TMEM116: variants seen among roughly 807,000 people sequenced by gnomAD.
TMEM116 encodes the protein transmembrane protein 116.
TMEM116 carries 38 observed loss-of-function variants against 44.3 expected under a neutral mutation model. The observed-to-expected ratio is 0.86, with a 90% confidence interval of 0.66 to 1.12. The LOEUF is 1.12. TMEM116 is among the 50% of genes most tolerant of loss of function. The pLI is 0.00. For missense variants in TMEM116, 354 were observed against 401.7 expected (o/e 0.88, Z 1.01); for synonymous variants, 132 against 144.8 (o/e 0.91, Z 0.64).
intron 10 of TMEM116, 107 bp from the exon 11 acceptor site, chr12:111,931,934 T>C: frequency 1.3e-6 from 1 of 794,568 alleles, no homozygotes; most frequent in Non-Finnish European, 1.9e-6. Context: ...TTTCTCTATC[T>C]CAAACATGAA....
intron 4 of TMEM116, among the ~76,000 whole-genome samples, chr12:111,991,556 T>A (rs189487836): frequency 2.0e-5 from 3 of 151,228 alleles, no homozygotes; most frequent in Non-Finnish European, 4.4e-5. Flanking sequence ...AGAGTAAAGA[T>A]AACATTATTT....
chr12:111,931,618 G>A lies in TMEM116; in HGVS notation c.*3C>T. 6.2e-7 allele frequency: 1 copy of A among 1,613,436 alleles called. No homozygotes were observed. Among genetic ancestry groups the A allele is most frequent in the South Asian group, 1.1e-5 (1 of 91,074 alleles). On this transcript the variant is annotated 3_prime_UTR_variant, in exon 11 of 11. Transcript: ENST00000552374. ...AGTTCCTGGATGTTCCAGTATTGTA[G>A]TTTCAAAAAATGGTAGAAGTACTGG... is the stretch of plus-strand genomic sequence containing the variant.
chr12:111,982,819 G>C (rs2076019249), intron 4 of TMEM116, among the ~76,000 whole-genome samples: 1 of 152,096 alleles, frequency 6.6e-6, no homozygotes, highest in Non-Finnish European at 1.5e-5. Flanking sequence ...ACATAGCTAA[G>C]CACTGAAACA....
intron 2 of TMEM116, among the ~76,000 whole-genome samples, chr12:112,004,669 A>T (rs1343972504): frequency 5.8e-4 from 84 of 145,216 alleles, no homozygotes; most frequent in Admixed American, 5.3e-3. Flanking sequence ...TTTTTTTTTT[A>T]ATTTTTTTTG....
At chr12:111,993,559 G>T in intron 3 of TMEM116, 1 of 546,050 alleles carries the variant, frequency 1.8e-6, no homozygotes, top group South Asian at 1.6e-5. Context: ...AACCCAACCA[G>T]GTTAGACCAA....
chr12:111,975,073 T>C (rs1255229155), intron 4 of TMEM116, among the ~76,000 whole-genome samples: 1 of 152,188 alleles, frequency 6.6e-6, no homozygotes, highest in Non-Finnish European at 1.5e-5. Flanking sequence ...ATGTCACATC[T>C]CTCCAAATTG....
intron 3 of TMEM116, 43 bp downstream of exon 3, chr12:112,003,757 G>C: frequency 6.7e-7 from 1 of 1,500,484 alleles, no homozygotes; most frequent in Admixed American, 2.5e-5. Context: ...CAGAGACTAG[G>C]TCAATAAAAA....
chr12:111,945,073 T>TCAAAAAAAAAAAAAAAAA (rs2073144208), intron 4 of TMEM116, among the ~76,000 whole-genome samples: 1 of 56,622 alleles, frequency 1.8e-5, no homozygotes, highest in Non-Finnish European at 3.5e-5. Flanking sequence ...AGACTCCATC[T>TCAAAAAAAAAAAAAAAAA]AAAAAAAAAA....
chr12:111,937,313 C>T, intron 6 of TMEM116, 70 bp from the exon 7 acceptor site: 2 of 1,185,652 alleles, frequency 1.7e-6, no homozygotes, highest in Admixed American at 1.9e-5. Flanking sequence ...GAAGAATATT[C>T]TCCTGCTCTT....
chr12:111,978,749 T>C (rs964677835), intron 4 of TMEM116: 3 of 444,864 alleles, frequency 6.7e-6, no homozygotes, highest in African/African-American at 6.1e-5. Context: ...ACACCAGATC[T>C]GCTGATTATC....
chr12:111,990,773 C>G (rs2076515214), intron 4 of TMEM116, among the ~76,000 whole-genome samples: 1 of 152,084 alleles, frequency 6.6e-6, no homozygotes, highest in Non-Finnish European at 1.5e-5. Flanking sequence ...GATATACAAT[C>G]CATATATGAT....
chr12:111,942,945 A>G (rs1183287971), intron 5 of TMEM116, among the ~76,000 whole-genome samples: 1 of 151,950 alleles, frequency 6.6e-6, no homozygotes, highest in Non-Finnish European at 1.5e-5. Flanking sequence ...AGGGATATAC[A>G]GGGATTGTTT....
At chr12:111,935,803 G>T (rs2072109624) in intron 8 of TMEM116, 1 of 152,172 alleles carries the variant, frequency 6.6e-6, no homozygotes, top group South Asian at 2.1e-4. Flanking sequence ...ACCATGCCTG[G>T]CTAATTTTTG....
At chr12:111,975,754 G>A (rs1055492575) in intron 4 of TMEM116, among the ~76,000 whole-genome samples, 5 of 151,470 alleles carry the variant, frequency 3.3e-5, no homozygotes, top group African/African-American at 7.3e-5. Flanking sequence ...AGTCAACTTC[G>A]GCCCCTCTAG....
intron 4 of TMEM116, among the ~76,000 whole-genome samples, chr12:111,990,275 C>T (rs1354008429): frequency 6.7e-6 from 1 of 148,384 alleles, no homozygotes; most frequent in East Asian, 2.0e-4. Context: ...AAAAAGGTAA[C>T]ATTAACCACA....
rs1328077091 is a variant in TMEM116 at position 111,957,407 on chromosome 12, G to A, written c.211-14038C>T. ...CTCCGCCCGGCAGCCGCCCCATCTG[G>A]GAAGTGGGGAGCCCCTCCGCCCGGC... On this transcript the variant is annotated intron_variant, in intron 4 of 10. Coordinates refer to ENST00000552374, the MANE Select transcript of TMEM116 (RefSeq NM_001193531.2). Among the ~76,000 whole-genome samples the A allele has an allele frequency of 1.2e-4, 18 of 151,804 alleles. No homozygotes were observed. In the East Asian group the frequency reaches 3.5e-3, roughly 30 times the overall value.
intron 3 of TMEM116, chr12:112,000,789 G>A (rs951936904): frequency 1.7e-5 from 9 of 531,082 alleles, no homozygotes; most frequent in Non-Finnish European, 3.5e-5. Flanking sequence ...TATTATCAAT[G>A]GCATTCTCAT....
At chr12:112,004,778 C>T (rs1369267459) in intron 2 of TMEM116, among the ~76,000 whole-genome samples, 1 of 151,856 alleles carries the variant, frequency 6.6e-6, no homozygotes, top group Non-Finnish European at 1.5e-5. Flanking sequence ...CCATGTCCAG[C>T]TATTTTTATG....
chr12:111,947,536 A>G (rs1024756611), intron 4 of TMEM116, among the ~76,000 whole-genome samples: 13 of 152,224 alleles, frequency 8.5e-5, no homozygotes, highest in Non-Finnish European at 1.5e-5. Flanking sequence ...AAATTGTACA[A>G]AACTCTTAAA....
Sources: gnomAD v4.1 joint callset for allele counts (sites outside exome capture counted in the v4.1 genomes callset) on GRCh38, gnomAD v4.1.1 for gene constraint, MANE v1.5 for transcripts, NCBI Gene and HGNC (gene_info 2026-07-23, HGNC 2026-07-21) for gene names.